The following MYPN variants were observed in gnomAD, a reference collection of about 807,000 sequenced individuals.
MYPN encodes the protein sarcomeric protein myopalladin, 145 kDa (MYOP).
Under a neutral mutation model 129.4 loss-of-function variants are expected in MYPN, and 63 were observed. The observed-to-expected ratio is 0.49, with a 90% confidence interval of 0.40 to 0.60. The LOEUF (loss-of-function observed/expected upper bound fraction) is 0.60. Among genes scored for constraint, MYPN ranks in the 20% least tolerant of loss-of-function variants. MYPN has a pLI of 0.00. For synonymous variants in MYPN, 629 were observed against 600.9 expected (o/e 1.05, Z -0.68); for missense variants, 1,596 against 1,635.4 (o/e 0.98, Z 0.42).
rs777293049 is a variant in MYPN at position 68,199,382 on chromosome 10, G to A, written c.3300G>A (p.Pro1100=). 1.8e-5 allele frequency: 29 copies of A among 1,613,754 alleles called. No individual in the cohort carries two copies. Among genetic ancestry groups the A allele is most frequent in the Middle Eastern group, 1.6e-4 (1 of 6,076 alleles). ...CRLDCKVSGL[P]PPELTWLLNG... is the part of the protein sequence containing the mutation. ...TTGTTTATTAGGTGAGTGGTTTACC[G>A]CCCCCGGAGCTGACATGGCTACTCA... is the stretch of plus-strand genomic sequence containing the variant. Residue 1100 remains proline (P), a synonymous_variant, in exon 17 of 20, where the codon CCG becomes CCA. Coordinates refer to ENST00000358913, the MANE Select transcript of MYPN (RefSeq NM_032578.4).
At chr10:68,156,626 T>TAA (rs1449521605) in intron 6 of MYPN, among the ~76,000 whole-genome samples, 7 of 152,342 alleles carry the variant, frequency 4.6e-5, no homozygotes, top group African/African-American at 1.7e-4. Flanking sequence ...CTTACACAGC[T>TAA]AATGCTATGT....
intron 12 of MYPN, among the ~76,000 whole-genome samples, chr10:68,188,059 G>T (rs935117515): frequency 6.6e-4 from 101 of 152,138 alleles, no homozygotes; most frequent in African/African-American, 2.4e-3. Flanking sequence ...TGTGAGGGGG[G>T]CAGAGAGATG....
In MYPN at chr10:68,165,488, G is replaced by A. The variant is rs527488345; in HGVS notation, c.1484-214G>A. 8 of 647,866 alleles carry A rather than the reference G, an allele frequency of 1.2e-5. No homozygotes were observed. In the African/African-American group the frequency reaches 1.4e-4, roughly 12 times the overall value. 40.1% of individuals were successfully genotyped at this position (647,866 alleles called of 1,614,324 possible). On this transcript the variant is annotated intron_variant, in intron 8 of 19. Coordinates refer to ENST00000358913, the MANE Select transcript of MYPN (RefSeq NM_032578.4). ...AAATCCCCTTGTCAGTACTTGGCCT[G>A]TCTGCATGGAGTTATTGTTTCTACA...
At chr10:68,209,118 T>C (rs548361694) in intron 19 of MYPN, among the ~76,000 whole-genome samples, 62 of 152,128 alleles carry the variant, frequency 4.1e-4, no homozygotes, top group Admixed American at 9.8e-4. Context: ...GGGCACAGCT[T>C]TCCAGGACCC....
At chr10:68,121,324 G>T (rs1446970120) in intron 1 of MYPN, 114 bp from the exon 2 acceptor site, 2 of 874,024 alleles carry the variant, frequency 2.3e-6, no homozygotes, top group Non-Finnish European at 1.7e-6. Context: ...TTAAAATTAG[G>T]CAATTCTTTA....
At chr10:68,210,089 A>G (rs1307116630) in intron 19 of MYPN, among the ~76,000 whole-genome samples, 197 bp from the exon 20 acceptor site, 2 of 152,230 alleles carry the variant, frequency 1.3e-5, no homozygotes, top group Non-Finnish European at 2.9e-5. Flanking sequence ...AGATATCACC[A>G]GCACAGTTTC....
chr10:68,144,854 G>A (rs947620535), intron 3 of MYPN, among the ~76,000 whole-genome samples: 2 of 152,120 alleles, frequency 1.3e-5, no homozygotes, highest in African/African-American at 4.8e-5. Context: ...GCTCTGTTAG[G>A]CCAAAGGCAT....
chr10:68,194,380 T>C lies in MYPN; in HGVS notation c.2943T>C (p.Asp981=), dbSNP rs762543605. The part of the protein sequence containing the change: ...IPVPKVYWFK[D]GKQISKRNEH... ...CATTTCAGGTTTACTGGTTCAAAGA[T>C]GGGAAGCAGATTTCTAAGAGAAATG... is the stretch of plus-strand genomic sequence containing the variant. The change falls in exon 14 of 20, where the codon GAT becomes GAC. Residue 981 remains aspartate (D), a synonymous_variant. Transcript: ENST00000358913. 3.7e-6 allele frequency: 6 copies of C among 1,613,556 alleles called. No individual in the cohort carries two copies. The African/African-American group carries it at 6.7e-5, about 18-fold the overall frequency.
At chr10:68,119,027 G>GA (rs1462735572) in intron 1 of MYPN, among the ~76,000 whole-genome samples, 4 of 152,056 alleles carry the variant, frequency 2.6e-5, no homozygotes, top group Non-Finnish European at 2.9e-5. Flanking sequence ...AACAGAAACA[G>GA]AAAATTAAAC....
At chr10:68,166,166 T>TG in intron 9 of MYPN, 128 bp from the exon 10 acceptor site, 1 of 1,066,618 alleles carries the variant, frequency 9.4e-7, no homozygotes, top group Non-Finnish European at 1.4e-6. Context: ...GCCCAGATGA[T>TG]GATCTGTTTT....
chr10:68,136,922 C>T (rs547804416), intron 2 of MYPN, among the ~76,000 whole-genome samples: 60 of 152,142 alleles, frequency 3.9e-4, no homozygotes, highest in African/African-American at 1.4e-3. Flanking sequence ...GTTTATTTAC[C>T]TCTAGCTTCT....
chr10:68,116,199 A>C (rs1027400237), intron 1 of MYPN, among the ~76,000 whole-genome samples: 1 of 152,228 alleles, frequency 6.6e-6, no homozygotes, highest in African/African-American at 2.4e-5. Context: ...TACCTATAAG[A>C]GCACTTATGA....
chr10:68,169,324 C>G (rs1030127492), intron 10 of MYPN, among the ~76,000 whole-genome samples: 1 of 149,902 alleles, frequency 6.7e-6, no homozygotes, highest in African/African-American at 2.5e-5. Flanking sequence ...CGTTACTGCA[C>G]TCCAGCCTGG....
intron 9 of MYPN, 122 bp from the exon 10 acceptor site, chr10:68,166,172 G>A (rs1350335890): frequency 8.6e-7 from 1 of 1,167,378 alleles, no homozygotes; most frequent in Admixed American, 1.7e-5. Context: ...ATGATGATCT[G>A]TTTTTGACAA....
intron 12 of MYPN, among the ~76,000 whole-genome samples, chr10:68,184,533 A>T (rs1326214441): frequency 6.6e-6 from 1 of 152,154 alleles, no homozygotes; most frequent in African/African-American, 2.4e-5. Flanking sequence ...GGTTCAAGTG[A>T]TTATCCTGTC....
At chr10:68,174,761 T>G in intron 11 of MYPN, 105 bp downstream of exon 11, 2 of 1,060,422 alleles carry the variant, frequency 1.9e-6, no homozygotes, top group Non-Finnish European at 2.8e-6. Flanking sequence ...GATTCCTAGA[T>G]AATCTTATTC....
intron 1 of MYPN, among the ~76,000 whole-genome samples, chr10:68,117,276 T>C (rs2042171702): frequency 7.2e-6 from 1 of 138,590 alleles, no homozygotes; most frequent in African/African-American, 2.9e-5. Context: ...AAAATTCTAA[T>C]GAACACATAA....
intron 2 of MYPN, among the ~76,000 whole-genome samples, chr10:68,137,270 T>A (rs2042501888): frequency 6.6e-6 from 1 of 152,216 alleles, no homozygotes; most frequent in South Asian, 2.1e-4. Context: ...GGCTTCTGCA[T>A]CCAGTTTGTT....
intron 8 of MYPN, 196 bp downstream of exon 8, chr10:68,161,948 A>G (rs1198725922): frequency 1.1e-5 from 5 of 456,086 alleles, no homozygotes; most frequent in African/African-American, 1.0e-4. Flanking sequence ...GGATTACTTG[A>G]GATCAGAAGT....
Sources: gnomAD v4.1 joint callset for allele counts (sites outside exome capture counted in the v4.1 genomes callset) on GRCh38, gnomAD v4.1.1 for gene constraint, MANE v1.5 for transcripts, NCBI Gene and HGNC (gene_info 2026-07-23, HGNC 2026-07-21) for gene names.